Variants in CD53 observed in about 807,000 individuals in gnomAD.
The protein encoded by CD53 is CD53 molecule.
CD53 carries 20 observed loss-of-function variants against 27.3 expected under a neutral mutation model. The ratio of observed to expected loss-of-function variants is 0.73; its 90% confidence interval spans 0.52 to 1.07. The LOEUF is 1.07. CD53 is among the 50% of genes least tolerant of loss of function. The pLI is 0.00. For missense variants in CD53, 216 were observed against 264.0 expected, an observed-to-expected ratio of 0.82 and a Z score of 1.26; for synonymous variants, 106 against 105.3, an observed-to-expected ratio of 1.01 and a Z score of -0.04.
chr1:110,899,000 T>TCTCTCTTTCAAG lies in CD53; in HGVS notation c.589-124_589-123insCTCTCTTTCAAG, dbSNP rs1414664112. The stretch of plus-strand genomic sequence containing the variant: ...AGAGCTCCTGAGAGAGACTTGAAAG[T>TCTCTCTTTCAAG]AATGGTTGGAAGGGTGGTTTCAGTG... On this transcript the variant is annotated intron_variant, in intron 7 of 7. Coordinates refer to ENST00000271324, the MANE Select transcript of CD53 (RefSeq NM_000560.4). The TCTCTCTTTCAAG allele has an allele frequency of 7.0e-5, 47 of 667,940 alleles. No homozygotes were observed. In the Middle Eastern group the frequency reaches 7.6e-4, roughly 11 times the overall value. The allele number at this position is 667,940 out of a possible 1,614,324, so 41.4% of individuals were successfully genotyped here.
intron 1 of CD53, among the ~76,000 whole-genome samples, chr1:110,883,101 G>C (rs528324422): frequency 1.8e-4 from 28 of 152,038 alleles, no homozygotes; most frequent in African/African-American, 6.3e-4. Flanking sequence ...GCCAAATAGA[G>C]TAGTTAAGAG....
chr1:110,877,798 G>C (rs2101038786), intron 1 of CD53, among the ~76,000 whole-genome samples: 1 of 152,322 alleles, frequency 6.6e-6, no homozygotes, highest in African/African-American at 2.4e-5. Flanking sequence ...GAGAGTTGAT[G>C]CTTTGGCTTC....
intron 1 of CD53, among the ~76,000 whole-genome samples, chr1:110,886,869 A>ATATATATAT (rs1298376721): frequency 0.053 from 4,354 of 82,488 alleles, 161 homozygotes; most frequent in Non-Finnish European, 0.073. Flanking sequence ...ATATATATAT[A>ATATATATAT]TTTTTTTTTT....
rs572652126 is a variant in CD53 at position 110,892,329 on chromosome 1, G to A, written c.64-16G>A. 8.7e-6 allele frequency: 14 copies of A among 1,607,456 alleles called. No individual in the cohort carries two copies. Among genetic ancestry groups the A allele is most frequent in the Admixed American group, 1.7e-5 (1 of 60,018 alleles). On this transcript the variant is annotated splice_polypyrimidine_tract_variant and intron_variant, in intron 2 of 7. Coordinates refer to ENST00000271324, the MANE Select transcript of CD53 (RefSeq NM_000560.4). ...CCACATTTTGCTTCAGGATGTTGTG[G>A]GATTCTTCCTTTCAGATCTGTGGCT... is the stretch of plus-strand genomic sequence containing the variant.
rs897100658 is a variant in CD53 at position 110,889,032 on chromosome 1, C to A, written c.-17-2360C>A. Reference sequence around the variant, plus strand: ...TTTTATCTTTTATTGATTGATGTAGCTTGTGCAAAGGGCAACAGGAAGGAT... The same window carrying A: ...TTTTATCTTTTATTGATTGATGTAGATTGTGCAAAGGGCAACAGGAAGGAT... On this transcript the variant is annotated intron_variant, in intron 1 of 7. Transcript: ENST00000271324. 3.2e-4 allele frequency among the ~76,000 whole-genome samples: 49 copies of A among 152,138 alleles called. 1 individual carries two copies. The highest frequency in any genetic ancestry group is 1.2e-3 in the African/African-American group (49 of 41,410).
At position 110,892,374 on chromosome 1, in the gene CD53, G is replaced by T. The variant is rs754102844; in HGVS notation, c.93G>T (p.Gly31=). ...WICGCCILGF[G]IYLLIHNNFG... ...GTGGCTGCTGCATTTTGGGCTTTGG[G>T]ATCTACCTGCTGATCCACAACAACT... Residue 31 remains glycine, a synonymous_variant, in exon 3 of 8, where the codon GGG becomes GGT. Transcript: ENST00000271324. 1 of 1,614,028 alleles carries T rather than the reference G, an allele frequency of 6.2e-7. No homozygotes were observed.
chr1:110,890,174 G>C (rs558845044), intron 1 of CD53, among the ~76,000 whole-genome samples: 6 of 152,126 alleles, frequency 3.9e-5, no homozygotes, highest in African/African-American at 1.4e-4. Flanking sequence ...AATTTTAATG[G>C]AAAAAAATCA....
intron 1 of CD53, among the ~76,000 whole-genome samples, chr1:110,888,026 TAGC>T (rs1208472491): frequency 6.6e-6 from 1 of 152,086 alleles, no homozygotes; most frequent in Non-Finnish European, 1.5e-5. Context: ...GAGTGGAAAG[TAGC>T]AGATGTGATG....
At chr1:110,885,647 G>A (rs987962720) in intron 1 of CD53, among the ~76,000 whole-genome samples, 5 of 152,100 alleles carry the variant, frequency 3.3e-5, no homozygotes, top group African/African-American at 7.2e-5. Flanking sequence ...CAGATCACCT[G>A]AGGTCAGGAG....
In CD53 at chr1:110,883,547, A is replaced by T. The variant is rs574564968; in HGVS notation, c.-17-7845A>T. The stretch of plus-strand genomic sequence containing the variant: ...ATCTTTCTGCTTTTAGTATCTGAAA[A>T]GTCTGGCCTCACAGGATAAGGTAGA... On this transcript the variant is annotated intron_variant, in intron 1 of 7. Transcript: ENST00000271324. Among the ~76,000 whole-genome samples the T allele has an allele frequency of 2.0e-5, 3 of 152,058 alleles. No homozygotes were observed. In the East Asian group the frequency reaches 5.8e-4, roughly 29 times the overall value.
chr1:110,883,108 A>G (rs1267247929), intron 1 of CD53, among the ~76,000 whole-genome samples: 1 of 151,984 alleles, frequency 6.6e-6, no homozygotes, highest in Non-Finnish European at 1.5e-5. Context: ...AGAGTAGTTA[A>G]GAGTAAACAG....
intron 1 of CD53, among the ~76,000 whole-genome samples, chr1:110,889,338 C>G (rs1303177332): frequency 2.0e-5 from 3 of 151,778 alleles, no homozygotes; most frequent in Non-Finnish European, 4.4e-5. Context: ...GGGTAGATCA[C>G]CAGGTCAGGA....
chr1:110,875,402 TGA>T (rs1656087843), intron 1 of CD53, among the ~76,000 whole-genome samples: 1 of 152,178 alleles, frequency 6.6e-6, no homozygotes, highest in South Asian at 2.1e-4. Context: ...GGGTTTGAAA[TGA>T]GGGAGAAGAG....
upstream of CD53, among the ~76,000 whole-genome samples, chr1:110,871,878 A>G (rs1468826553): frequency 1.3e-5 from 2 of 151,886 alleles, no homozygotes; most frequent in Non-Finnish European, 2.9e-5. Flanking sequence ...ATAAGTTTGG[A>G]GAAATCTATA....
chr1:110,894,531 CAG>C (rs1288995219), intron 4 of CD53, 130 bp downstream of exon 4: 6 of 728,412 alleles, frequency 8.2e-6, no homozygotes, highest in East Asian at 2.6e-5. Flanking sequence ...ATAGAGGAAA[CAG>C]AGAGTAATTG....
chr1:110,875,919 G>A (rs1656116240), intron 1 of CD53, among the ~76,000 whole-genome samples: 1 of 152,194 alleles, frequency 6.6e-6, no homozygotes, highest in Non-Finnish European at 1.5e-5. Context: ...TTAGAGGTGA[G>A]TGCTCTCTCT....
chr1:110,886,683 T>C (rs2101051361), intron 1 of CD53, among the ~76,000 whole-genome samples: 1 of 151,924 alleles, frequency 6.6e-6, no homozygotes, highest in South Asian at 2.1e-4. Flanking sequence ...ACCCTGTCTC[T>C]ACTAAAAATA....
upstream of CD53, among the ~76,000 whole-genome samples, chr1:110,871,456 T>TG (rs1655960645): frequency 2.0e-5 from 3 of 151,900 alleles, no homozygotes; most frequent in Admixed American, 2.0e-4. Flanking sequence ...TCCTGGATGG[T>TG]GGACATGGTG....
intron 7 of CD53, among the ~76,000 whole-genome samples, chr1:110,898,663 A>G (rs1260067261): frequency 6.9e-6 from 1 of 145,850 alleles, no homozygotes; most frequent in Non-Finnish European, 1.5e-5. Flanking sequence ...CCTTTTTAAT[A>G]AAAAAGGACA....
Sources: allele counts gnomAD v4.1 joint callset (sites outside exome capture counted in the v4.1 genomes callset), GRCh38; gene constraint gnomAD v4.1.1; transcripts MANE v1.5; gene names NCBI Gene and HGNC (gene_info 2026-07-23, HGNC 2026-07-21).